SLC18B1: variants seen among roughly 807,000 people sequenced by gnomAD.
SLC18B1 encodes the protein MFS-type transporter SLC18B1.
In SLC18B1, 62 loss-of-function variants were observed where a neutral mutation model predicts 53.9. The observed-to-expected ratio is 1.15, with a 90% CI of 0.94 to 1.42. The LOEUF (loss-of-function observed/expected upper bound fraction) is 1.42. Among genes scored for constraint, SLC18B1 ranks in the 40% most tolerant of loss-of-function variants. SLC18B1 has a pLI of 0.00. For missense variants in SLC18B1, 598 were observed against 547.3 expected, an observed-to-expected ratio of 1.09 and a Z score of -0.93; for synonymous variants, 217 against 200.9, an observed-to-expected ratio of 1.08 and a Z score of -0.68.
chr6:132,782,254 G>T lies in SLC18B1; in HGVS notation c.658+1679C>A, dbSNP rs527831610. 2.0e-5 allele frequency among the ~76,000 whole-genome samples: 3 copies of T among 151,078 alleles called. No homozygotes were observed. In the South Asian group the frequency reaches 6.2e-4, roughly 31 times the overall value. ...TTTCAGGATAACATTCACATTTCAT[G>T]GATTTATGAATTTTTTATTTAAAAA... On this transcript the variant is annotated intron_variant, in intron 6 of 13. Transcript: ENST00000275227.
intron 4 of SLC18B1, among the ~76,000 whole-genome samples, 176 bp from the exon 5 acceptor site, chr6:132,787,757 T>G (rs954721015): frequency 1.3e-5 from 2 of 152,138 alleles, no homozygotes; most frequent in Admixed American, 6.5e-5. Context: ...AGGAGGAAAT[T>G]ACCCTTTTTC....
intron 4 of SLC18B1, 106 bp downstream of exon 4, chr6:132,789,658 C>G (rs1781472386): frequency 3.8e-6 from 3 of 797,190 alleles, no homozygotes; most frequent in Non-Finnish European, 6.5e-6. Context: ...ATGCATTTGA[C>G]AGACAATAAA....
chr6:132,797,619 CAAACAAAAACAA>C (rs1338295591), intron 1 of SLC18B1, among the ~76,000 whole-genome samples: 7 of 150,178 alleles, frequency 4.7e-5, no homozygotes, highest in Non-Finnish European at 7.4e-5. Flanking sequence ...ACAAAACAAA[CAAACAAAAACAA>C]AAACAAAAAC....
chr6:132,786,199 A>G (rs994764835), intron 5 of SLC18B1, among the ~76,000 whole-genome samples: 15 of 152,190 alleles, frequency 9.9e-5, no homozygotes, highest in African/African-American at 3.4e-4. Flanking sequence ...GCCAAATGGC[A>G]ATAGAACCTA....
At chr6:132,775,861 T>C (rs1000071098) in intron 8 of SLC18B1, among the ~76,000 whole-genome samples, 1 of 152,216 alleles carries the variant, frequency 6.6e-6, no homozygotes, top group African/African-American at 2.4e-5. Flanking sequence ...GCCCTATTTA[T>C]TAAGATCAAT....
chr6:132,782,885 C>T (rs1311815791), intron 6 of SLC18B1, among the ~76,000 whole-genome samples: 1 of 150,742 alleles, frequency 6.6e-6, no homozygotes, highest in African/African-American at 2.4e-5. Context: ...AACAATTCTC[C>T]TGTCTCAGCC....
intron 2 of SLC18B1, among the ~76,000 whole-genome samples, chr6:132,792,271 GAA>G (rs1349822723): frequency 2.0e-5 from 1 of 48,956 alleles, no homozygotes; most frequent in African/African-American, 1.5e-4. Context: ...AAGAAAGAAA[GAA>G]AGAAAGAAAG....
At chr6:132,775,518 C>CA (rs147114829) in intron 8 of SLC18B1, among the ~76,000 whole-genome samples, 6,627 of 152,170 alleles carry the variant, frequency 0.044, 198 homozygotes, top group Non-Finnish European at 0.067. Context: ...AAGTAATCCA[C>CA]AAGTAATTCT....
chr6:132,784,122 A>G (rs772205943), intron 5 of SLC18B1, 33 bp from the exon 6 acceptor site: 1 of 1,512,808 alleles, frequency 6.6e-7, no homozygotes, highest in East Asian at 2.4e-5. Context: ...ATCAGTTTAA[A>G]TATTTCATTT....
Position 132,795,835 on chromosome 6 carries a change from T to G in SLC18B1, c.183+1147A>C, listed in dbSNP as rs540384115. ...TATAAAAGGCTATGCCTAGAAGGAA[T>G]AGGCCCTATTAATCAGAATTCCTCC... On this transcript the variant is annotated intron_variant, in intron 2 of 13. Transcript: ENST00000275227. Among the ~76,000 whole-genome samples, 9 of 152,338 alleles carry G rather than the reference T, an allele frequency of 5.9e-5. No homozygotes were observed. In the South Asian group the frequency reaches 1.9e-3, roughly 32 times the overall value.
chr6:132,789,571 G>A (rs1157793351), intron 4 of SLC18B1, 193 bp downstream of exon 4: 13 of 498,010 alleles, frequency 2.6e-5, no homozygotes, highest in South Asian at 6.2e-5. Context: ...GAGATCCCCC[G>A]GAGGCCTGTT....
Position 132,770,257 on chromosome 6 carries a change from A to C in SLC18B1, c.*13T>G. On this transcript the variant is annotated 3_prime_UTR_variant, in exon 14 of 14. Coordinates refer to ENST00000275227, the MANE Select transcript of SLC18B1 (RefSeq NM_052831.3). ...TCATTTCTCAACCTTGTATCAATCC[A>C]GGATCCATCGGACTAGGTTTCATTA... 6.2e-7 allele frequency: 1 copy of C among 1,605,972 alleles called. No individual in the cohort carries two copies. Among genetic ancestry groups the C allele is most frequent in the Non-Finnish European group, 8.5e-7 (1 of 1,172,594 alleles).
At chr6:132,789,737 C>T (rs1396545348) in intron 4 of SLC18B1, 27 bp downstream of exon 4, 3 of 1,515,978 alleles carry the variant, frequency 2.0e-6, no homozygotes, top group Non-Finnish European at 2.7e-6. Flanking sequence ...TGTTCAAGCT[C>T]CCAAATATAA....
At chr6:132,776,660 T>A (rs963821237) in intron 7 of SLC18B1, among the ~76,000 whole-genome samples, 3 of 151,870 alleles carry the variant, frequency 2.0e-5, no homozygotes, top group African/African-American at 7.3e-5. Flanking sequence ...GCCTTTGGCA[T>A]TAAACATATT....
At chr6:132,794,095 AT>A (rs1023947854) in intron 2 of SLC18B1, among the ~76,000 whole-genome samples, 28 of 143,306 alleles carry the variant, frequency 2.0e-4, no homozygotes, top group East Asian at 4.1e-4. Context: ...GGCTCTTATT[AT>A]TTTTTTTTTA....
chr6:132,798,040 A>G (rs1781744944), intron 1 of SLC18B1, among the ~76,000 whole-genome samples: 1 of 152,232 alleles, frequency 6.6e-6, no homozygotes, highest in Non-Finnish European at 1.5e-5. Flanking sequence ...AGTCTTACGA[A>G]TCTTTGTAAA....
At position 132,783,913 on chromosome 6, in the gene SLC18B1, A is replaced by C. The variant is rs1781300649; in HGVS notation, c.658+20T>G. ...AAATATATTTAAGGTTCTTAAAATG[A>C]GTAATAAGTGTGGACTTACCGTAAT... On this transcript the variant is annotated intron_variant, in intron 6 of 13. Transcript: ENST00000275227. The C allele has an allele frequency of 6.6e-7, 1 of 1,521,850 alleles. No individual in the cohort carries two copies. Among genetic ancestry groups the C allele is most frequent in the Non-Finnish European group, 8.8e-7 (1 of 1,138,238 alleles). 94.3% of individuals were successfully genotyped at this position (1,521,850 alleles called of 1,614,324 possible).
At chr6:132,783,333 T>C (rs1249951435) in intron 6 of SLC18B1, among the ~76,000 whole-genome samples, 1 of 152,120 alleles carries the variant, frequency 6.6e-6, no homozygotes, top group African/African-American at 2.4e-5. Context: ...TGCACCACCA[T>C]GCCCAGCTAA....
At chr6:132,797,619 C>CAAACAA (rs1338295591) in intron 1 of SLC18B1, among the ~76,000 whole-genome samples, 35 of 150,296 alleles carry the variant, frequency 2.3e-4, no homozygotes, top group South Asian at 1.7e-3. Flanking sequence ...ACAAAACAAA[C>CAAACAA]AAACAAAAAC....
Sources: gnomAD v4.1 joint callset for allele counts (sites outside exome capture counted in the v4.1 genomes callset) on GRCh38, gnomAD v4.1.1 for gene constraint, MANE v1.5 for transcripts, NCBI Gene and HGNC (gene_info 2026-07-23, HGNC 2026-07-21) for gene names.